The following SET variants were observed in gnomAD, a reference collection of about 807,000 sequenced individuals.
SET encodes SET nuclear proto-oncogene, also known as protein SET.
In SET, 4 loss-of-function variants were observed where a neutral mutation model predicts 39.0. The observed-to-expected ratio is 0.10, with a 90% CI of 0.05 to 0.23. SET has a LOEUF of 0.23. Ranked by LOEUF, SET falls within the 10% of genes least tolerant of loss-of-function variation. The pLI, the probability that SET is intolerant of heterozygous loss-of-function variation, is 1.00. For missense variants in SET, 137 were observed against 329.7 expected (o/e 0.42, Z 4.53); for synonymous variants, 114 against 115.9 (o/e 0.98, Z 0.11).
In SET at chr9:128,692,017, G is replaced by A. The variant is rs199730155; in HGVS notation, c.274+17G>A. ...ATCCACAAGGTATGTTTTGGACAGG[G>A]CATTGTTAAAGGATAAACAGTGTTT... On this transcript the variant is annotated intron_variant, in intron 3 of 7. Coordinates refer to ENST00000322030, the MANE Select transcript of SET (RefSeq NM_003011.4). 796 of 1,612,508 alleles carry A rather than the reference G, an allele frequency of 4.9e-4. No individual in the cohort carries two copies. The highest frequency in any genetic ancestry group is 1.5e-3 in the Admixed American group (87 of 59,694).
chr9:128,691,829 T>C (rs1218687162), intron 2 of SET, 29 bp from the exon 3 acceptor site: 2 of 1,595,004 alleles, frequency 1.3e-6, no homozygotes, highest in Non-Finnish European at 1.7e-6. Context: ...AATACTATCA[T>C]TGTCAACATC....
upstream of SET, chr9:128,689,215 CG>C: frequency 4.0e-6 from 4 of 990,814 alleles, no homozygotes; most frequent in Non-Finnish European, 4.8e-6. Context: ...CTGCGCCCTG[CG>C]CCCGCCCCTC....
At chr9:128,684,950 G>C (rs1324515394), upstream of SET, 2 of 1,213,622 alleles carry the variant, frequency 1.6e-6, no homozygotes, top group South Asian at 3.3e-5. Context: ...ATAGAGAGTT[G>C]ACTGTTCTGG....
intron 3 of SET, 144 bp downstream of exon 3, chr9:128,692,144 T>G: frequency 1.0e-6 from 1 of 980,832 alleles, no homozygotes; most frequent in African/African-American, 1.7e-5. Context: ...CCCAGCACTT[T>G]GGGAGGCCGA....
At chr9:128,684,958 TG>T, upstream of SET, 1 of 1,285,338 alleles carries the variant, frequency 7.8e-7, no homozygotes, top group Non-Finnish European at 1.0e-6. Context: ...TTGACTGTTC[TG>T]GTGACTAGGT....
At position 128,683,840 on chromosome 9, in the gene SET, C is replaced by G; in HGVS notation, c.-56C>G. ...ACCTGGGGCAGTCTCAGTGTTCAGC[C>G]TGCTTCCGGACGGGCGAGGAGACTC... On this transcript the variant is annotated 5_prime_UTR_variant, in exon 1 of 8. Coordinates refer to the SET transcript ENST00000372692. The G allele has an allele frequency of 2.1e-6, 3 of 1,446,600 alleles. No homozygotes were observed. In the South Asian group the frequency reaches 3.8e-5, roughly 18 times the overall value. 89.6% of individuals were successfully genotyped at this position (1,446,600 alleles called of 1,614,324 possible). A position where few individuals can be genotyped will look rare whatever the true frequency, so the allele number is the denominator to read the frequency against.
intron 3 of SET, 78 bp downstream of exon 3, chr9:128,692,078 A>G (rs760252744): frequency 3.2e-5 from 49 of 1,547,076 alleles, no homozygotes; most frequent in Non-Finnish European, 4.2e-5. Context: ...GACTTAGTCC[A>G]GCATGCTGGG....
Position 128,695,353 on chromosome 9 carries a change from A to G in SET, c.*689A>G, listed in dbSNP as rs1225140858. On this transcript the variant is annotated 3_prime_UTR_variant, in exon 8 of 8. Transcript: ENST00000322030. The stretch of plus-strand genomic sequence containing the variant: ...ATGATGACTTGAGCCCTGCCACTCA[A>G]TGGGAGAATCAGCAGAACCTGTAGG... 5 of 225,504 alleles carry G rather than the reference A, an allele frequency of 2.2e-5. No individual in the cohort carries two copies. In the Admixed American group the frequency reaches 2.3e-4, roughly 10 times the overall value. The allele number at this position is 225,504 out of a possible 1,614,324, so 14.0% of individuals were successfully genotyped here.
rs928901591 is a variant in SET at position 128,691,061 on chromosome 9, C to G, written c.74-109C>G. On this transcript the variant is annotated intron_variant, in intron 1 of 7. Coordinates refer to ENST00000322030, the MANE Select transcript of SET (RefSeq NM_003011.4). ...AACATGTGGAACGCTTGCCTTTGTA[C>G]TAGGCGTTTTTGTTTTTGTTTTAAT... 4 of 829,302 alleles carry G rather than the reference C, an allele frequency of 4.8e-6. No homozygotes were observed. In the African/African-American group the frequency reaches 5.0e-5, roughly 10 times the overall value. The allele number at this position is 829,302 out of a possible 1,614,324, so 51.4% of individuals were successfully genotyped here.
upstream of SET, among the ~76,000 whole-genome samples, chr9:128,685,740 G>A (rs939715465): frequency 1.3e-5 from 2 of 152,150 alleles, no homozygotes; most frequent in Non-Finnish European, 2.9e-5. Flanking sequence ...CCTCTTCAAA[G>A]GGAGCCGGGG....
intron 5 of SET, among the ~76,000 whole-genome samples, chr9:128,693,264 T>A (rs57062959): frequency 0.088 from 13,366 of 152,214 alleles, 1,969 homozygotes; most frequent in African/African-American, 0.3. Context: ...AGCCCAAGTT[T>A]AAGAATTGAG....
chr9:128,683,825 G>A (rs1437856104), exon 1 of SET: 17 of 1,328,064 alleles, frequency 1.3e-5, no homozygotes, highest in Non-Finnish European at 1.0e-6. Flanking sequence ...ACCTGGGGCA[G>A]TCTCAGTGTT....
In SET at chr9:128,694,573, A is replaced by G. The variant is rs186068234; in HGVS notation, c.811-68A>G. 159 of 1,109,344 alleles carry G rather than the reference A, an allele frequency of 1.4e-4. 1 individual carries two copies. In the African/African-American group the frequency reaches 2.2e-3, roughly 16 times the overall value. The allele number at this position is 1,109,344 out of a possible 1,614,324, so 68.7% of individuals were successfully genotyped here. On this transcript the variant is annotated intron_variant, in intron 7 of 7. Transcript: ENST00000322030. ...GCCCCCAGGGGCACTCGTGGGGTCC[A>G]TTGTGGTCCATATGAAAGCAAGTCT...
rs1861422807 is a variant in SET, at chr9:128,689,555, G to GC, written c.-27dup. On this transcript the variant is annotated 5_prime_UTR_variant, in exon 1 of 8. Coordinates refer to ENST00000322030, the MANE Select transcript of SET (RefSeq NM_003011.4). ...CGCCTTCCCTTCTCTCCCCCTCCCC[G>GC]CTCCCCCCCCGACCGCGGAGCAGCA... 1 of 1,024,498 alleles carries GC rather than the reference G, an allele frequency of 9.8e-7. No homozygotes were observed. Among genetic ancestry groups the GC allele is most frequent in the South Asian group, 2.1e-5 (1 of 46,550 alleles). 63.5% of individuals were successfully genotyped at this position (1,024,498 alleles called of 1,614,324 possible).
At chr9:128,691,272 G>C (rs1421527484) in intron 2 of SET, 45 bp downstream of exon 2, 1 of 1,182,216 alleles carries the variant, frequency 8.5e-7, no homozygotes, top group African/African-American at 1.5e-5. Context: ...TCTGAGATGT[G>C]TCTAATAGCC....
chr9:128,687,440 C>T (rs928760013), upstream of SET, among the ~76,000 whole-genome samples: 1 of 151,976 alleles, frequency 6.6e-6, no homozygotes, highest in Admixed American at 6.6e-5. Flanking sequence ...AAACCTGTCT[C>T]TACCAAAAAA....
upstream of SET, chr9:128,685,325 G>A (rs914622114): frequency 5.4e-5 from 46 of 855,566 alleles, no homozygotes; most frequent in African/African-American, 4.4e-4. Flanking sequence ...ACTAGACAGC[G>A]CCTAGCACAT....
chr9:128,695,829 C>T lies in SET; in HGVS notation c.*1165C>T, dbSNP rs1363189382. ...ACATTGTGCCCTTGATTTTTATCTC[C>T]AAGTGGCAGTTTTTAAAATTGGCCT... On this transcript the variant is annotated 3_prime_UTR_variant, in exon 8 of 8. Coordinates refer to ENST00000322030, the MANE Select transcript of SET (RefSeq NM_003011.4). 2.6e-5 allele frequency: 6 copies of T among 228,230 alleles called. No individual in the cohort carries two copies. In the South Asian group the frequency reaches 1.1e-3, roughly 42 times the overall value. 14.1% of individuals were successfully genotyped at this position (228,230 alleles called of 1,614,324 possible). A position where few individuals can be genotyped will look rare whatever the true frequency, so the allele number is the denominator to read the frequency against.
rs943802887 is a variant in SET at position 128,691,936 on chromosome 9, G to A, written c.210G>A (p.Lys70=). The change falls in exon 3 of 8, where the codon AAG becomes AAA. Residue 70 remains lysine, a synonymous_variant. Transcript: ENST00000322030. The part of the protein sequence containing the change: ...YNKLRQPFFQ[K]RSELIAKIPN... ...AACTCCGCCAACCATTTTTTCAGAA[G>A]AGGTCAGAATTGATCGCCAAAATCC... 6.2e-7 allele frequency: 1 copy of A among 1,613,698 alleles called. No homozygotes were observed. The highest frequency in any genetic ancestry group is 8.5e-7 in the Non-Finnish European group (1 of 1,179,798).
Sources: gnomAD v4.1 joint callset for allele counts (sites outside exome capture counted in the v4.1 genomes callset) on GRCh38, gnomAD v4.1.1 for gene constraint, MANE v1.5 for transcripts, NCBI Gene and HGNC (gene_info 2026-07-23, HGNC 2026-07-21) for gene names.